RHOBTB1: variants seen among roughly 807,000 people sequenced by gnomAD.
RHOBTB1 encodes the protein Rho related BTB domain containing 1.
In RHOBTB1, 40 loss-of-function variants were observed where a neutral mutation model predicts 71.6. The observed-to-expected ratio is 0.56, with a 90% CI of 0.43 to 0.73. The LOEUF (loss-of-function observed/expected upper bound fraction) is 0.73, where lower values mean the gene tolerates loss of function less well. RHOBTB1 is among the 30% of genes least tolerant of loss of function. RHOBTB1 has a pLI of 0.00. For synonymous variants in RHOBTB1, 319 were observed against 334.9 expected, an observed-to-expected ratio of 0.95 and a Z score of 0.52; for missense variants, 797 against 894.0, an observed-to-expected ratio of 0.89 and a Z score of 1.38.
rs200381691 is a variant in RHOBTB1 at position 60,888,551 on chromosome 10, C to G, written c.1117G>C (p.Gly373Arg). 34 of 1,614,060 alleles carry G rather than the reference C, an allele frequency of 2.1e-5. No individual in the cohort carries two copies. The highest frequency in any genetic ancestry group is 2.6e-5 in the Non-Finnish European group (31 of 1,180,034). The stretch of plus-strand genomic sequence containing the variant: ...ATGCCAATGAACCCCTTACTCCATC[C>G]GGTCAAAGTCTGTGTCTCAGGAACT... Reference protein sequence around the residue: ...GAVPETQTLTGWSKGFIGMHR... With the variant: ...GAVPETQTLTRWSKGFIGMHR... Residue 373 changes from glycine to arginine, a missense_variant, in exon 6 of 11, where the codon GGA becomes CGA. Physicochemically the swap from Gly to Arg is moderately radical, Grantham distance 125. Transcript: ENST00000337910.
At chr10:60,893,438 A>G (rs2082018508) in intron 4 of RHOBTB1, among the ~76,000 whole-genome samples, 1 of 152,244 alleles carries the variant, frequency 6.6e-6, no homozygotes, top group South Asian at 2.1e-4. Context: ...CAATTTAAAC[A>G]TTACTGAAAA....
intron 2 of RHOBTB1, among the ~76,000 whole-genome samples, chr10:60,973,457 GT>G (rs1565169268): frequency 6.6e-6 from 1 of 151,864 alleles, no homozygotes; most frequent in South Asian, 2.1e-4. Flanking sequence ...CTTTTTTGTT[GT>G]TGTTTTTAAT....
intron 2 of RHOBTB1, among the ~76,000 whole-genome samples, chr10:60,935,019 G>C (rs1184910937): frequency 6.6e-6 from 1 of 152,148 alleles, no homozygotes; most frequent in Non-Finnish European, 1.5e-5. Flanking sequence ...GTTTTGTTTT[G>C]CATACTGCTA....
chr10:60,878,551 C>A (rs1020015779), intron 7 of RHOBTB1, among the ~76,000 whole-genome samples: 8 of 152,224 alleles, frequency 5.3e-5, no homozygotes, highest in Non-Finnish European at 7.3e-5. Context: ...TCAGTATATG[C>A]ACAATATATT....
At position 60,890,527 on chromosome 10, in the gene RHOBTB1, C is replaced by A. The variant is rs12251789; in HGVS notation, c.483-1342G>T. Among the ~76,000 whole-genome samples the A allele has an allele frequency of 8.1e-3, 1,227 of 152,216 alleles. 10 individuals are homozygous for A. Among genetic ancestry groups the A allele is most frequent in the African/African-American group, 0.028 (1,153 of 41,502 alleles). On this transcript the variant is annotated intron_variant, in intron 5 of 10. Coordinates refer to ENST00000337910, the MANE Select transcript of RHOBTB1 (RefSeq NM_014836.5). ...ATGCAGTACAGTGCTGGGGTTATGG[C>A]ATAACCATGGCAAAGGCATAGATGG... is the stretch of plus-strand genomic sequence containing the variant.
At chr10:60,933,231 T>A (rs1231275067) in intron 2 of RHOBTB1, among the ~76,000 whole-genome samples, 1 of 152,208 alleles carries the variant, frequency 6.6e-6, no homozygotes, top group Non-Finnish European at 1.5e-5. Context: ...CAACTTTAGG[T>A]AGAAATTATT....
chr10:60,934,520 TC>T (rs1385479551), intron 2 of RHOBTB1, among the ~76,000 whole-genome samples: 1 of 152,224 alleles, frequency 6.6e-6, no homozygotes, highest in African/African-American at 2.4e-5. Flanking sequence ...TTGAGAGATT[TC>T]AGTAGTCATG....
chr10:60,975,124 T>G (rs997715480), intron 2 of RHOBTB1, among the ~76,000 whole-genome samples: 1 of 152,096 alleles, frequency 6.6e-6, no homozygotes, highest in Non-Finnish European at 1.5e-5. Context: ...ATTGACTGAT[T>G]GCTGTATTTT....
the RHOBTB1 span, among the ~76,000 whole-genome samples, chr10:60,862,451 G>A: frequency 3.4e-5 from 5 of 149,064 alleles, no homozygotes; most frequent in Non-Finnish European, 5.9e-5. Context: ...GCCTACCTCC[G>A]CCTCCCAAAG....
intron 1 of RHOBTB1, among the ~76,000 whole-genome samples, chr10:60,988,037 T>C (rs1257007546): frequency 6.9e-6 from 1 of 145,408 alleles, no homozygotes; most frequent in East Asian, 2.2e-4. Context: ...GGGTACGCCA[T>C]TCTCCTGCCT....
chr10:60,992,732 T>G (rs1304186943), intron 1 of RHOBTB1, among the ~76,000 whole-genome samples: 6 of 152,198 alleles, frequency 3.9e-5, no homozygotes, highest in Non-Finnish European at 8.8e-5. Flanking sequence ...ATGAATGCAC[T>G]TCTGCAATTA....
chr10:60,904,988 T>C, intron 4 of RHOBTB1, among the ~76,000 whole-genome samples: 1 of 152,162 alleles, frequency 6.6e-6, no homozygotes, highest in South Asian at 2.1e-4. Flanking sequence ...TACTTTTCCA[T>C]AAAAAGCACA....
chr10:60,887,144 G>A (rs1454323919), intron 6 of RHOBTB1, among the ~76,000 whole-genome samples: 1 of 150,902 alleles, frequency 6.6e-6, no homozygotes, highest in African/African-American at 2.4e-5. Flanking sequence ...CTCCAGTAAG[G>A]AGGAGGTGAT....
At chr10:60,951,126 A>G (rs1261918636) in intron 2 of RHOBTB1, among the ~76,000 whole-genome samples, 1 of 152,226 alleles carries the variant, frequency 6.6e-6, no homozygotes, top group African/African-American at 2.4e-5. Context: ...ATGTCATTTA[A>G]TCTAACCCTG....
chr10:60,876,461 A>G (rs1173597382), intron 8 of RHOBTB1, among the ~76,000 whole-genome samples: 1 of 152,218 alleles, frequency 6.6e-6, no homozygotes, highest in South Asian at 2.1e-4. Flanking sequence ...TTAATATTTA[A>G]GCAAAACTGG....
At chr10:60,877,819 A>G in intron 8 of RHOBTB1, 89 bp downstream of exon 8, 1 of 1,368,490 alleles carries the variant, frequency 7.3e-7, no homozygotes, top group Admixed American at 2.3e-5. Context: ...ATAAAAAATC[A>G]ATTTTTATTC....
intron 2 of RHOBTB1, among the ~76,000 whole-genome samples, chr10:60,952,825 T>A (rs1221060027): frequency 6.6e-6 from 1 of 152,108 alleles, no homozygotes; most frequent in East Asian, 1.9e-4. Flanking sequence ...TGAAGAGAAC[T>A]GATCTCTATG....
chr10:60,949,978 A>G (rs2085357961), intron 2 of RHOBTB1, among the ~76,000 whole-genome samples: 1 of 152,182 alleles, frequency 6.6e-6, no homozygotes, highest in Non-Finnish European at 1.5e-5. Flanking sequence ...GTGTGGATTC[A>G]TTCATTAGGT....
rs184034965 is a variant in RHOBTB1 at position 60,910,698 on chromosome 10, G to A, written c.296+189C>T. Among the ~76,000 whole-genome samples, 909 of 152,196 alleles carry A rather than the reference G, an allele frequency of 6.0e-3. 5 individuals are homozygous for A. The highest frequency in any genetic ancestry group is 9.5e-3 in the Non-Finnish European group (648 of 68,004). ...CAACACAGTACTTCCTCATTGGCAG[G>A]GCACGCTTCTTTTCTTGACATCAGG... On this transcript the variant is annotated intron_variant, in intron 4 of 10. Coordinates refer to ENST00000337910, the MANE Select transcript of RHOBTB1 (RefSeq NM_014836.5).
Sources: allele counts gnomAD v4.1 joint callset (sites outside exome capture counted in the v4.1 genomes callset), GRCh38; gene constraint gnomAD v4.1.1; transcripts MANE v1.5; gene names NCBI Gene and HGNC (gene_info 2026-07-23, HGNC 2026-07-21).